The following HELZ variants were observed in gnomAD, a reference collection of about 807,000 sequenced individuals.
The protein encoded by HELZ is ATP-dependent RNA helicase with zinc finger domain.
In HELZ, 23 loss-of-function variants were observed where a neutral mutation model predicts 218.2. The observed-to-expected ratio is 0.11, with a 90% CI of 0.08 to 0.15. The LOEUF is 0.15. Ranked by LOEUF, HELZ falls within the 10% of genes least tolerant of loss-of-function variation. The pLI is 1.00. For missense variants in HELZ, 1,813 were observed against 2,353.7 expected (o/e 0.77, Z 4.75); for synonymous variants, 814 against 829.4 (o/e 0.98, Z 0.32).
rs1210803400 is a variant in HELZ, at chr17:67,182,880, T to A, written c.1163-3954A>T. ...TGGGTTTGTTTCGTCTTGAAGTATA[T>A]AGTATAGCAGACTTGAAAAATACCT... On this transcript the variant is annotated intron_variant, in intron 12 of 32. Transcript: ENST00000358691. Among the ~76,000 whole-genome samples the A allele has an allele frequency of 3.3e-5, 5 of 152,156 alleles. No individual in the cohort carries two copies. The East Asian group carries it at 9.6e-4, about 29-fold the overall frequency.
intron 26 of HELZ, among the ~76,000 whole-genome samples, chr17:67,122,569 G>A (rs879399703): frequency 6.6e-6 from 1 of 151,662 alleles, no homozygotes; most frequent in African/African-American, 2.4e-5. Context: ...TTAGCCGGAC[G>A]TAGTGGTGCA....
At chr17:67,161,746 A>C (rs2039000146) in intron 15 of HELZ, among the ~76,000 whole-genome samples, 1 of 152,246 alleles carries the variant, frequency 6.6e-6, no homozygotes, top group African/African-American at 2.4e-5. Context: ...CACCTGTCAC[A>C]GTCGCACAGA....
chr17:67,099,974 T>C (rs1281628453), intron 31 of HELZ, among the ~76,000 whole-genome samples: 2 of 152,218 alleles, frequency 1.3e-5, no homozygotes, highest in Non-Finnish European at 2.9e-5. Context: ...ATGCATTAGA[T>C]GGTTTATTAG....
intron 5 of HELZ, 100 bp downstream of exon 5, chr17:67,215,799 C>T (rs1567899490): frequency 2.5e-6 from 2 of 807,900 alleles, no homozygotes; most frequent in South Asian, 1.5e-5. Flanking sequence ...GTAAGGTGGG[C>T]TTTTCAAACA....
At chr17:67,154,315 G>A (rs189346419) in intron 17 of HELZ, among the ~76,000 whole-genome samples, 40 of 152,262 alleles carry the variant, frequency 2.6e-4, no homozygotes, top group African/African-American at 9.6e-4. Context: ...TGTAGTCCCA[G>A]CTACTTGGGA....
At chr17:67,197,388 G>A (rs958111335) in intron 7 of HELZ, among the ~76,000 whole-genome samples, 7 of 152,106 alleles carry the variant, frequency 4.6e-5, no homozygotes, top group Admixed American at 2.0e-4. Flanking sequence ...TATTAGCAGC[G>A]TGAAAACAGA....
At chr17:67,112,165 G>A (rs1399750417) in intron 28 of HELZ, among the ~76,000 whole-genome samples, 3 of 152,146 alleles carry the variant, frequency 2.0e-5, no homozygotes, top group East Asian at 1.9e-4. Context: ...TAATACTGAG[G>A]AGGCACTGAG....
intron 7 of HELZ, among the ~76,000 whole-genome samples, chr17:67,197,801 T>C (rs1168591657): frequency 3.9e-5 from 6 of 152,246 alleles, no homozygotes; most frequent in Non-Finnish European, 7.3e-5. Flanking sequence ...AACTAAACTC[T>C]GTAATACTGT....
intron 12 of HELZ, among the ~76,000 whole-genome samples, chr17:67,185,949 T>C (rs1027062808): frequency 8.5e-5 from 13 of 152,172 alleles, no homozygotes; most frequent in African/African-American, 2.9e-4. Flanking sequence ...ACTAATATGT[T>C]AGAAATATCA....
At chr17:67,100,473 A>T (rs1167824420) in intron 31 of HELZ, among the ~76,000 whole-genome samples, 1 of 152,202 alleles carries the variant, frequency 6.6e-6, no homozygotes, top group Admixed American at 6.5e-5. Flanking sequence ...CCATTTCACA[A>T]GCCAACTCCG....
intron 17 of HELZ, among the ~76,000 whole-genome samples, chr17:67,159,413 CAT>C (rs1292971472): frequency 1.3e-5 from 2 of 151,994 alleles, no homozygotes; most frequent in African/African-American, 4.8e-5. Context: ...AATTAAATAA[CAT>C]AATTTCATTT....
intron 12 of HELZ, among the ~76,000 whole-genome samples, chr17:67,183,979 G>A (rs2039681693): frequency 6.6e-6 from 1 of 151,514 alleles, no homozygotes; most frequent in Non-Finnish European, 1.5e-5. Context: ...AAAAGGTCTG[G>A]ATGCTTTAGG....
intron 31 of HELZ, among the ~76,000 whole-genome samples, chr17:67,087,367 A>G (rs574871746): frequency 2.0e-5 from 3 of 152,332 alleles, no homozygotes; most frequent in African/African-American, 7.2e-5. Flanking sequence ...CTGTTTTCTT[A>G]TCTGTAGAAT....
intron 5 of HELZ, 107 bp from the exon 6 acceptor site, chr17:67,203,550 G>T: frequency 7.7e-7 from 1 of 1,299,096 alleles, no homozygotes; most frequent in African/African-American, 1.5e-5. Flanking sequence ...TATGCTAAAA[G>T]AGTAACTTCA....
intron 3 of HELZ, among the ~76,000 whole-genome samples, chr17:67,235,273 A>G (rs9908547): frequency 0.093 from 14,095 of 151,982 alleles, 1,747 homozygotes; most frequent in African/African-American, 0.28. Flanking sequence ...TTGGGAGGCC[A>G]AGGCGGGTGG....
intron 15 of HELZ, 62 bp downstream of exon 15, chr17:67,166,416 G>T: frequency 7.2e-7 from 1 of 1,389,192 alleles, no homozygotes; most frequent in Non-Finnish European, 1.0e-6. Context: ...TGAGTTATTT[G>T]ATACAGATAT....
intron 5 of HELZ, among the ~76,000 whole-genome samples, chr17:67,204,157 C>A (rs1018954350): frequency 6.6e-6 from 1 of 152,118 alleles, no homozygotes; most frequent in African/African-American, 2.4e-5. Flanking sequence ...GCTTCCTTTG[C>A]AATAATTTGC....
chr17:67,222,875 C>CTAGG (rs2040784540), intron 3 of HELZ, among the ~76,000 whole-genome samples: 1 of 152,092 alleles, frequency 6.6e-6, no homozygotes, highest in Admixed American at 6.5e-5. Flanking sequence ...ACACCCCTGC[C>CTAGG]TAGGACACAT....
intron 31 of HELZ, among the ~76,000 whole-genome samples, chr17:67,100,226 T>C (rs1016948888): frequency 2.6e-5 from 4 of 152,202 alleles, no homozygotes; most frequent in Admixed American, 1.3e-4. Context: ...ATCAACTAAT[T>C]TAAAACAAGA....
Sources: allele counts gnomAD v4.1 joint callset (sites outside exome capture counted in the v4.1 genomes callset), GRCh38; gene constraint gnomAD v4.1.1; transcripts MANE v1.5; gene names NCBI Gene and HGNC (gene_info 2026-07-23, HGNC 2026-07-21).